RELN: variants seen among roughly 807,000 people sequenced by gnomAD.
RELN encodes reelin.
RELN carries 108 observed loss-of-function variants against 427.6 expected under a neutral mutation model. The ratio of observed to expected loss-of-function variants is 0.25; its 90% CI spans 0.22 to 0.30. RELN has a LOEUF of 0.30. Ranked by LOEUF, RELN falls within the 10% of genes least tolerant of loss-of-function variation. The probability of loss-of-function intolerance (pLI) is 1.00; values close to 1 mark genes in which losing one functional copy is unlikely to be tolerated. For synonymous variants in RELN, 1,524 were observed against 1,513.4 expected, an observed-to-expected ratio of 1.01 and a Z score of -0.16; for missense variants, 3,715 against 4,302.8, an observed-to-expected ratio of 0.86 and a Z score of 3.82.
chr7:103,492,007 G>T lies in RELN; in HGVS notation c.9389C>A (p.Ala3130Asp). 6.2e-7 allele frequency: 1 copy of T among 1,613,224 alleles called. No individual in the cohort carries two copies. ...GGAATGAAGGTCACCACAAGAAGTG[G>T]CTTCACAACCCACCACAATCTAAAA... ...MQFKIVVGCE[A>D]TSCGDLHSVM... The change falls in exon 58 of 65, where the codon GCC (alanine) becomes GAC (aspartate). Residue 3130 changes from alanine to aspartate, a missense_variant. Ala to Asp is a moderately radical substitution (Grantham distance 126). Transcript: ENST00000428762.
chr7:103,775,543 A>G (rs1791716664), intron 4 of RELN, among the ~76,000 whole-genome samples: 1 of 152,198 alleles, frequency 6.6e-6, no homozygotes, highest in Admixed American at 6.5e-5. Context: ...GATATTCTTT[A>G]GCAGAGAGAA....
chr7:103,793,072 T>G (rs1000765812), intron 3 of RELN, among the ~76,000 whole-genome samples: 1 of 152,178 alleles, frequency 6.6e-6, no homozygotes. Flanking sequence ...AAGCCTCAAA[T>G]TGCAACCAAA....
chr7:103,617,037 G>A (rs919731499), intron 20 of RELN, among the ~76,000 whole-genome samples: 3 of 152,110 alleles, frequency 2.0e-5, no homozygotes, highest in Admixed American at 2.0e-4. Flanking sequence ...AATGACTGAG[G>A]TGCCACTGCT....
chr7:103,585,484 C>A (rs893837546), intron 28 of RELN, among the ~76,000 whole-genome samples: 1 of 152,066 alleles, frequency 6.6e-6, no homozygotes. Context: ...AAACATACAA[C>A]CTCCCAAGCA....
chr7:103,926,561 TTAA>T (rs1026802891), intron 1 of RELN, among the ~76,000 whole-genome samples: 31 of 151,218 alleles, frequency 2.1e-4, no homozygotes, highest in African/African-American at 6.8e-4. Context: ...TAGATCAACA[TTAA>T]TAATAATTGA....
chr7:103,807,334 G>C (rs1306786326), intron 3 of RELN, among the ~76,000 whole-genome samples: 1 of 152,160 alleles, frequency 6.6e-6, no homozygotes, highest in Non-Finnish European at 1.5e-5. Context: ...GCCAGCAGTA[G>C]GGTAAGTGGA....
intron 6 of RELN, among the ~76,000 whole-genome samples, chr7:103,728,498 C>G (rs1057167346): frequency 5.9e-5 from 9 of 152,002 alleles, no homozygotes; most frequent in African/African-American, 2.2e-4. Context: ...CTAAATCTCA[C>G]ATAGTTATTG....
At chr7:103,476,995 A>G (rs1828059179) in intron 64 of RELN, among the ~76,000 whole-genome samples, 1 of 152,216 alleles carries the variant, frequency 6.6e-6, no homozygotes, top group South Asian at 2.1e-4. Flanking sequence ...ATGCCACTTG[A>G]CATATCAATT....
In RELN at chr7:103,558,019, G is replaced by C; in HGVS notation, c.5560C>G (p.Leu1854Val). Reference sequence around the variant, plus strand: ...ACATACATTGTATTTGTACAATCTAGATCTCTTGAAATAAGCATCCTTAGT... The same window carrying C: ...ACATACATTGTATTTGTACAATCTACATCTCTTGAAATAAGCATCCTTAGT... ...EGLRMLISRD[L>V]DCTNTMYVQF... Residue 1854 changes from leucine (L) to valine (V), a missense_variant, in exon 37 of 65, where the codon CTA becomes GTA. Leu to Val is a conservative substitution (Grantham distance 32). Around this residue, in one of 4 missense-constraint regions of RELN, gnomAD observed 2,208 missense variants for 2,361.7 expected, o/e 0.93. Coordinates refer to ENST00000428762, the MANE Select transcript of RELN (RefSeq NM_005045.4). The C allele has an allele frequency of 6.6e-7, 1 of 1,525,334 alleles. No homozygotes were observed. Among genetic ancestry groups the C allele is most frequent in the Non-Finnish European group, 9.1e-7 (1 of 1,099,590 alleles). The allele number at this position is 1,525,334 out of a possible 1,614,324, so 94.5% of individuals were successfully genotyped here. A position where few individuals can be genotyped will look rare whatever the true frequency, so the allele number is the denominator to read the frequency against.
At chr7:103,702,882 T>A (rs1834122958) in intron 8 of RELN, among the ~76,000 whole-genome samples, 1 of 152,168 alleles carries the variant, frequency 6.6e-6, no homozygotes, top group African/African-American at 2.4e-5. Flanking sequence ...ACCTCTGTGC[T>A]TATAACAATT....
In RELN at chr7:103,483,805, G is replaced by C. The variant is rs536426935; in HGVS notation, c.10029C>G (p.Asp3343Glu). 7 of 1,613,924 alleles carry C rather than the reference G, an allele frequency of 4.3e-6. No homozygotes were observed. The highest frequency in any genetic ancestry group is 5.9e-6 in the Non-Finnish European group (7 of 1,179,906). ...GGCCACTCAGGTCACTGTTGCAGCT[G>C]TCCGTCTGCGACATGCTCCCAATTT... ...VLQIGSMSQT[D>E]SCNSDLSGPH... Residue 3343 changes from aspartate to glutamate, a missense_variant, in exon 62 of 65, where the codon GAC becomes GAG. This residue lies in a region of RELN where 195 missense variants were observed against 281.3 expected (regional missense o/e 0.69). Coordinates refer to ENST00000428762, the MANE Select transcript of RELN (RefSeq NM_005045.4).
At chr7:103,888,210 GAGCTCTTTTATACC>G in intron 2 of RELN, among the ~76,000 whole-genome samples, 1 of 148,426 alleles carries the variant, frequency 6.7e-6, no homozygotes. Context: ...ATCTGGACCT[GAGCTCTTTTATACC>G]AGCTCTTTTA....
chr7:103,543,823 T>C (rs557880356), intron 42 of RELN, among the ~76,000 whole-genome samples: 8 of 152,340 alleles, frequency 5.3e-5, no homozygotes, highest in Admixed American at 2.0e-4. Context: ...TGGCATTTAG[T>C]TGATACACTC....
At chr7:103,508,683 G>T (rs542215838) in intron 51 of RELN, among the ~76,000 whole-genome samples, 5 of 152,156 alleles carry the variant, frequency 3.3e-5, no homozygotes, top group Non-Finnish European at 5.9e-5. Context: ...GAAATAAAGG[G>T]TATTCAGTTA....
At chr7:103,540,937 T>C (rs1257164330) in intron 43 of RELN, among the ~76,000 whole-genome samples, 1 of 152,216 alleles carries the variant, frequency 6.6e-6, no homozygotes, top group African/African-American at 2.4e-5. Context: ...GTTTTTCAGA[T>C]CTCATATTAT....
intron 26 of RELN, 47 bp downstream of exon 26, chr7:103,594,274 A>G (rs1190577171): frequency 1.3e-6 from 2 of 1,537,596 alleles, no homozygotes; most frequent in Middle Eastern, 1.7e-4. Context: ...TATGCCATTC[A>G]CTTTTATAAT....
intron 3 of RELN, among the ~76,000 whole-genome samples, chr7:103,789,011 A>C (rs930342093): frequency 1.3e-5 from 2 of 152,178 alleles, no homozygotes; most frequent in Non-Finnish European, 2.9e-5. Context: ...AATGGAACAG[A>C]ACAGAGGCCT....
intron 12 of RELN, among the ~76,000 whole-genome samples, chr7:103,658,220 A>G (rs557121101): frequency 3.7e-4 from 56 of 152,246 alleles, no homozygotes; most frequent in African/African-American, 1.3e-3. Flanking sequence ...CTGAACTTTG[A>G]AAGTTGAGCA....
At chr7:103,868,271 G>C (rs1443580920) in intron 2 of RELN, among the ~76,000 whole-genome samples, 6 of 152,058 alleles carry the variant, frequency 3.9e-5, no homozygotes, top group African/African-American at 1.4e-4. Context: ...TGAACCATCT[G>C]ATATACAAAG....
Sources: gnomAD v4.1 joint callset for allele counts (sites outside exome capture counted in the v4.1 genomes callset) on GRCh38, gnomAD v4.1.1 for gene constraint, gnomAD v4.1.1 regional missense constraint, MANE v1.5 for transcripts, NCBI Gene and HGNC (gene_info 2026-07-23, HGNC 2026-07-21) for gene names.